The following NPC1L1 variants were observed in gnomAD, a reference collection of about 807,000 sequenced individuals.
NPC1L1 encodes the protein NPC1 like intracellular cholesterol transporter 1.
Under a neutral mutation model 117.0 loss-of-function variants are expected in NPC1L1, and 98 were observed. The ratio of observed to expected loss-of-function variants is 0.84; its 90% CI spans 0.71 to 0.99. The LOEUF (loss-of-function observed/expected upper bound fraction) is 0.99, where lower values mean the gene tolerates loss of function less well. Ranked by LOEUF, NPC1L1 falls within the 50% of genes least tolerant of loss-of-function variation. The pLI, the probability that NPC1L1 is intolerant of heterozygous loss-of-function variation, is 0.00. For synonymous variants in NPC1L1, 729 were observed against 727.6 expected, an observed-to-expected ratio of 1.00 and a Z score of -0.03; for missense variants, 1,540 against 1,710.0, an observed-to-expected ratio of 0.90 and a Z score of 1.75.
At chr7:44,516,520 C>T (rs541589423) in intron 16 of NPC1L1, among the ~76,000 whole-genome samples, 183 bp downstream of exon 16, 51 of 152,218 alleles carry the variant, frequency 3.4e-4, no homozygotes, top group Non-Finnish European at 4.4e-4. Flanking sequence ...GTAGGAGGAT[C>T]GCTTGAGCCC....
intron 14 of NPC1L1, chr7:44,518,787 C>A: frequency 1.9e-6 from 2 of 1,034,118 alleles, no homozygotes; most frequent in Non-Finnish European, 2.4e-6. Context: ...TGGATACATA[C>A]AATCTCAGAG....
At chr7:44,527,839 T>C (rs531403963) in intron 10 of NPC1L1, among the ~76,000 whole-genome samples, 1 of 152,292 alleles carries the variant, frequency 6.6e-6, no homozygotes, top group East Asian at 1.9e-4. Flanking sequence ...ATACAAAAGT[T>C]TTTGAGACAT....
Position 44,513,586 on chromosome 7 carries a change from A to G in NPC1L1, c.3860T>C (p.Val1287Ala), listed in dbSNP as rs1801103734. ...QKRAEEAVAAVMVASCPNHPS... is the reference protein window; with the variant it reads ...QKRAEEAVAAAMVASCPNHPS... Reference sequence around the variant, plus strand: ...GTGATTTGGGCAAGAGGCCACCATGACTGCTGCCACCGCCTCCTCAGCCCG... The same window carrying G: ...GTGATTTGGGCAAGAGGCCACCATGGCTGCTGCCACCGCCTCCTCAGCCCG... The change falls in exon 19 of 19, where the codon GTC (valine) becomes GCC (alanine). Residue 1287 changes from valine to alanine, a missense_variant. Physicochemically the swap from Val to Ala is moderately conservative, Grantham distance 64. Coordinates refer to ENST00000381160, the MANE Select transcript of NPC1L1 (RefSeq NM_001101648.2). 1.9e-6 allele frequency: 3 copies of G among 1,613,780 alleles called. No individual in the cohort carries two copies. The African/African-American group carries it at 4.0e-5, about 22-fold the overall frequency.
chr7:44,522,762 AAC>A (rs1247000802), intron 10 of NPC1L1, among the ~76,000 whole-genome samples: 1 of 152,096 alleles, frequency 6.6e-6, no homozygotes, highest in Non-Finnish European at 1.5e-5. Flanking sequence ...ACCTCACATG[AAC>A]ACACACTGAC....
rs751572189 is a variant in NPC1L1, at chr7:44,513,457, C to T, written c.3989G>A (p.Arg1330Gln). ...AISNFLPNNGRQF is the reference protein window; with the variant it reads ...AISNFLPNNGQQF ...GGGCCTCTGGCTGTATCAGAACTGC[C>T]GCCCATTGTTGGGCAAGAAGTTGCT... The change falls in exon 19 of 19, where the codon CGG becomes CAG. Residue 1330 changes from arginine to glutamine, a missense_variant. Arg to Gln is a conservative substitution (Grantham distance 43). This residue lies in a region of NPC1L1 where 742 missense variants were observed against 873.6 expected (regional missense o/e 0.85). Transcript: ENST00000381160. 65 of 1,613,900 alleles carry T rather than the reference C, an allele frequency of 4.0e-5. No individual in the cohort carries two copies. Among genetic ancestry groups the T allele is most frequent in the African/African-American group, 2.0e-4 (15 of 74,902 alleles).
In NPC1L1 at chr7:44,538,118, A is replaced by C. The variant is rs962631456; in HGVS notation, c.1580+699T>G. On this transcript the variant is annotated intron_variant, in intron 2 of 18. Coordinates refer to ENST00000381160, the MANE Select transcript of NPC1L1 (RefSeq NM_001101648.2). The surrounding 1 kb of genome is among the most constrained non-coding windows in gnomAD (Gnocchi z 5.9). ...CCCTTTTAACTCTCATTTGCTCTGGAGTATGGAGTACTAAACGTTCATCTT... is the reference window on the plus strand; with the variant it reads ...CCCTTTTAACTCTCATTTGCTCTGGCGTATGGAGTACTAAACGTTCATCTT... Among the ~76,000 whole-genome samples the C allele has an allele frequency of 6.6e-6, 1 of 152,244 alleles. No individual in the cohort carries two copies. The highest frequency in any genetic ancestry group is 1.5e-5 in the Non-Finnish European group (1 of 68,044).
intron 10 of NPC1L1, among the ~76,000 whole-genome samples, chr7:44,525,473 G>A (rs1400303012): frequency 6.6e-6 from 1 of 152,156 alleles, no homozygotes. Flanking sequence ...GGCCAGGATG[G>A]TCTTGATCTC....
At position 44,536,942 on chromosome 7, in the gene NPC1L1, A is replaced by T; in HGVS notation, c.1581T>A (p.Asn527Lys). 6.2e-7 allele frequency: 1 copy of T among 1,613,386 alleles called. No homozygotes were observed. Among genetic ancestry groups the T allele is most frequent in the Non-Finnish European group, 8.5e-7 (1 of 1,179,592 alleles). The change falls in exon 3 of 19, where the codon AAT becomes AAA. Residue 527 changes from asparagine (N) to lysine (K), a missense_variant and splice_region_variant. This residue lies in a region of NPC1L1 where 793 missense variants were observed against 820.4 expected (regional missense o/e 0.97). Coordinates refer to ENST00000381160, the MANE Select transcript of NPC1L1 (RefSeq NM_001101648.2). This position sits in a 1 kb window ranked among gnomAD's most constrained non-coding sequence, Gnocchi z 4.7. ...TGCCATCCTTGAAGGTGAGCGGGGC[A>T]CTAGAGGGAGATGACCGCAAAGGGA... ...DWKDHFLYCA[N>K]APLTFKDGTA... is the part of the protein sequence containing the mutation.
In NPC1L1 at chr7:44,525,881, G is replaced by A. The variant is rs1287212166; in HGVS notation, c.2638-3639C>T. Reference sequence around the variant, plus strand: ...GGGTTTGTAGATTGAAAGTGCTGAAGAATGCTGGGCATGATGGCTCATGCC... The same window carrying A: ...GGGTTTGTAGATTGAAAGTGCTGAAAAATGCTGGGCATGATGGCTCATGCC... On this transcript the variant is annotated intron_variant, in intron 10 of 18. Coordinates refer to ENST00000381160, the MANE Select transcript of NPC1L1 (RefSeq NM_001101648.2). Among the ~76,000 whole-genome samples, 7 of 152,316 alleles carry A rather than the reference G, an allele frequency of 4.6e-5. No individual in the cohort carries two copies. The East Asian group carries it at 1.4e-3, about 29-fold the overall frequency.
rs757445482 is a variant in NPC1L1 at position 44,541,293 on chromosome 7, G to T, written c.-34C>A. 2 of 1,547,008 alleles carry T rather than the reference G, an allele frequency of 1.3e-6. No homozygotes were observed. The highest frequency in any genetic ancestry group is 2.0e-5 in the Admixed American group (1 of 50,882). On this transcript the variant is annotated 5_prime_UTR_variant, in exon 1 of 19. Coordinates refer to ENST00000381160, the MANE Select transcript of NPC1L1 (RefSeq NM_001101648.2). ...TGGGAAGGGGTCAGCGGGGAGCCAGGCCAGGCCTCAGGAACAGCCAAGGGC... is the reference window on the plus strand; with the variant it reads ...TGGGAAGGGGTCAGCGGGGAGCCAGTCCAGGCCTCAGGAACAGCCAAGGGC...
Position 44,517,295 on chromosome 7 carries a change from G to T in NPC1L1, c.3199C>A (p.Arg1067=), listed in dbSNP as rs138414721. Residue 1067 remains arginine, a synonymous_variant, in exon 15 of 19, where the codon CGG becomes AGG. Coordinates refer to ENST00000381160, the MANE Select transcript of NPC1L1 (RefSeq NM_001101648.2). ...KNSQDYTEAL[R]AARELAANIT... ...TTGGCTGCCAGCTCTCGAGCTGCCCGCAGAGCTTCTGTGTAATCCTGTGAG... is the reference window on the plus strand; with the variant it reads ...TTGGCTGCCAGCTCTCGAGCTGCCCTCAGAGCTTCTGTGTAATCCTGTGAG... The T allele has an allele frequency of 6.2e-7, 1 of 1,614,114 alleles. No individual in the cohort carries two copies. The highest frequency in any genetic ancestry group is 8.5e-7 in the Non-Finnish European group (1 of 1,180,026).
At chr7:44,525,326 C>T (rs775390957) in intron 10 of NPC1L1, among the ~76,000 whole-genome samples, 6 of 152,022 alleles carry the variant, frequency 3.9e-5, no homozygotes, top group African/African-American at 9.7e-5. Context: ...GGCACAATCT[C>T]GGCTCACTGC....
Position 44,536,586 on chromosome 7 carries a change from T to A in NPC1L1, c.1682-158A>T. ...TCCTCATCTGATACATGGCCTTACCTCCTACACCCCACTTCTCTCAGCCAA... is the reference window on the plus strand; with the variant it reads ...TCCTCATCTGATACATGGCCTTACCACCTACACCCCACTTCTCTCAGCCAA... On this transcript the variant is annotated intron_variant, in intron 3 of 18. Transcript: ENST00000381160. This position sits in a 1 kb window ranked among gnomAD's most constrained non-coding sequence, Gnocchi z 4.7. Among the ~76,000 whole-genome samples the A allele has an allele frequency of 6.9e-6, 1 of 144,442 alleles. No homozygotes were observed. Among genetic ancestry groups the A allele is most frequent in the African/African-American group, 2.6e-5 (1 of 37,798 alleles). 94.8% of individuals were successfully genotyped at this position (144,442 alleles called of 152,430 possible).
intron 10 of NPC1L1, among the ~76,000 whole-genome samples, chr7:44,531,251 C>T (rs916167966): frequency 6.6e-6 from 1 of 152,212 alleles, no homozygotes; most frequent in Non-Finnish European, 1.5e-5. Flanking sequence ...CCTTGGCCTC[C>T]AGCTCATCCC....
intron 1 of NPC1L1, 54 bp downstream of exon 1, chr7:44,541,152 C>G: frequency 1.0e-5 from 16 of 1,537,976 alleles, no homozygotes; most frequent in Non-Finnish European, 1.3e-5. Flanking sequence ...CGGCTGGCCC[C>G]AGGGTCCCTA....
At chr7:44,525,540 G>A (rs562417794) in intron 10 of NPC1L1, among the ~76,000 whole-genome samples, 18 of 152,240 alleles carry the variant, frequency 1.2e-4, no homozygotes, top group African/African-American at 4.3e-4. Context: ...ACAGGCATAA[G>A]CCACTGCACC....
At chr7:44,541,064 C>T in intron 1 of NPC1L1, 142 bp downstream of exon 1, 1 of 864,992 alleles carries the variant, frequency 1.2e-6, no homozygotes, top group Admixed American at 2.3e-5. Context: ...CCTGGCATCC[C>T]TCATGTGTCC....
At chr7:44,535,331 T>G (rs1478995289) in intron 5 of NPC1L1, among the ~76,000 whole-genome samples, 1 of 150,414 alleles carries the variant, frequency 6.6e-6, no homozygotes, top group East Asian at 2.0e-4. Flanking sequence ...GCCGTTACAC[T>G]GCAGCCTGGG....
At chr7:44,516,994 G>A in intron 15 of NPC1L1, 60 bp from the exon 16 acceptor site, 2 of 1,501,994 alleles carry the variant, frequency 1.3e-6, no homozygotes, top group South Asian at 1.1e-5. Context: ...TGGTGGGTGG[G>A]ACACCCCACT....
Sources: allele counts gnomAD v4.1 joint callset (sites outside exome capture counted in the v4.1 genomes callset), GRCh38; gene constraint gnomAD v4.1.1; regional missense constraint gnomAD v4.1.1; non-coding constraint Gnocchi (gnomAD v3.1); transcripts MANE v1.5; gene names NCBI Gene and HGNC (gene_info 2026-07-23, HGNC 2026-07-21).